ADAMTSL4: variants seen among roughly 807,000 people sequenced by gnomAD.
ADAMTSL4 encodes the protein ADAMTS-like protein 4.
Under a neutral mutation model 122.8 loss-of-function variants are expected in ADAMTSL4, and 97 were observed. The observed-to-expected ratio is 0.79, with a 90% CI of 0.67 to 0.93. The LOEUF is 0.93. Among genes scored for constraint, ADAMTSL4 ranks in the 40% least tolerant of loss-of-function variants. ADAMTSL4 has a pLI of 0.00. For synonymous variants in ADAMTSL4, 592 were observed against 568.0 expected (o/e 1.04, Z -0.60); for missense variants, 1,408 against 1,453.5 (o/e 0.97, Z 0.51).
Position 150,559,035 on chromosome 1 carries a change from C to A in ADAMTSL4, c.2633C>A (p.Pro878Gln). ...CTTGGGAGTGGGGCAGCCCTCGGGC[C>A]AGGCCAGGGGGAAGCAGGAGCAGGA... Reference protein sequence around the residue: ...VCLGSGAALGPGQGEAGAGTG... With the variant: ...VCLGSGAALGQGQGEAGAGTG... Residue 878 changes from proline to glutamine, a missense_variant, in exon 16 of 19, where the codon CCA (proline) becomes CAA (glutamine). By Grantham distance (76) the Pro-to-Gln change is moderately conservative. Coordinates refer to ENST00000271643, the MANE Select transcript of ADAMTSL4 (RefSeq NM_019032.6). This position sits in a 1 kb window ranked among gnomAD's most constrained non-coding sequence, Gnocchi z 4.1. 1 of 1,612,368 alleles carries A rather than the reference C, an allele frequency of 6.2e-7. No homozygotes were observed.
At position 150,556,694 on chromosome 1, in the gene ADAMTSL4, CGGCG is replaced by C. The variant is rs1672162481; in HGVS notation, c.1653_1656del (p.Gly552ProfsTer32). ...TGGATCCCCCTGGGTCCTACAGGGCCGGCGGGACCGTCTTTCGATATAACCGTCC... is the reference window on the plus strand; with the variant it reads ...TGGATCCCCCTGGGTCCTACAGGGCCGGACCGTCTTTCGATATAACCGTCC... On this transcript the variant is annotated frameshift_variant, in exon 10 of 19. Transcript: ENST00000271643. LOFTEE classifies it high-confidence loss of function. The surrounding 1 kb of genome is among the most constrained non-coding windows in gnomAD (Gnocchi z 4.1). The C allele has an allele frequency of 1.2e-6, 2 of 1,613,854 alleles. No individual in the cohort carries two copies. Among genetic ancestry groups the C allele is most frequent in the African/African-American group, 1.3e-5 (1 of 74,858 alleles).
rs762175946 is a variant in ADAMTSL4 at position 150,556,220 on chromosome 1, G to C, written c.1430G>C (p.Cys477Ser). The change falls in exon 9 of 19, where the codon TGT (cysteine) becomes TCT (serine). Residue 477 changes from cysteine (C) to serine (S), a missense_variant. Physicochemically the swap from Cys to Ser is moderately radical, Grantham distance 112 (BLOSUM62 -1). Coordinates refer to ENST00000271643, the MANE Select transcript of ADAMTSL4 (RefSeq NM_019032.6). The surrounding 1 kb of genome is among the most constrained non-coding windows in gnomAD (Gnocchi z 4.1). ...SGRRPDGCGV[C>S]GGDDSTCRLV... ...AGGCGTCCTGATGGCTGTGGAGTCTGTGGGGGTGATGATTCTACCTGTCGC... is the reference window on the plus strand; with the variant it reads ...AGGCGTCCTGATGGCTGTGGAGTCTCTGGGGGTGATGATTCTACCTGTCGC... 6.2e-7 allele frequency: 1 copy of C among 1,614,220 alleles called. No individual in the cohort carries two copies. Among genetic ancestry groups the C allele is most frequent in the South Asian group, 1.1e-5 (1 of 91,080 alleles).
In ADAMTSL4 at chr1:150,555,513, G is replaced by C; in HGVS notation, c.1319G>C (p.Gly440Ala). ...YVRHTEKVQD[G>A]TLCQPGAPDI... ...CGTCACACTGAAAAGGTCCAGGATG[G>C]GACCCTGTGTCAGCCTGGAGCCCCT... is the stretch of plus-strand genomic sequence containing the variant. The change falls in exon 8 of 19, where the codon GGG (glycine) becomes GCG (alanine). Residue 440 changes from glycine (G) to alanine (A), a missense_variant. By Grantham distance (60) the Gly-to-Ala change is moderately conservative. Coordinates refer to ENST00000271643, the MANE Select transcript of ADAMTSL4 (RefSeq NM_019032.6). 6.2e-7 allele frequency: 1 copy of C among 1,614,154 alleles called. No homozygotes were observed. The highest frequency in any genetic ancestry group is 8.5e-7 in the Non-Finnish European group (1 of 1,180,022).
rs1671576038 is a variant in ADAMTSL4, at chr1:150,552,937, G to A, written c.118G>A (p.Gly40Ser). The change falls in exon 5 of 19, where the codon GGC becomes AGC. Residue 40 changes from glycine to serine, a missense_variant. Gly to Ser is a moderately conservative substitution (Grantham distance 56). Coordinates refer to ENST00000271643, the MANE Select transcript of ADAMTSL4 (RefSeq NM_019032.6). This position sits in a 1 kb window ranked among gnomAD's most constrained non-coding sequence, Gnocchi z 4.0. ...GHSLQTPTEE[G>S]QGPEGVWGPW... ...CTCTCTTCAGACACCTACAGAGGAG[G>A]GCCAGGGCCCCGAAGGTGTCTGGGG... is the stretch of plus-strand genomic sequence containing the variant. 11 of 1,612,890 alleles carry A rather than the reference G, an allele frequency of 6.8e-6. No homozygotes were observed. The highest frequency in any genetic ancestry group is 9.3e-6 in the Non-Finnish European group (11 of 1,179,984).
At chr1:150,550,799 G>T (rs1031863480) in intron 2 of ADAMTSL4, 3 of 456,486 alleles carry the variant, frequency 6.6e-6, no homozygotes, top group African/African-American at 4.0e-5. Context: ...GCCCGCTCTG[G>T]CTCAGCCACT....
rs918372921 is a variant in ADAMTSL4, at chr1:150,554,984, GACC to G, written c.1235-441_1235-439del. On this transcript the variant is annotated intron_variant, in intron 7 of 18. Transcript: ENST00000271643. This position sits in a 1 kb window ranked among gnomAD's most constrained non-coding sequence, Gnocchi z 4.0. ...TGGTCTCGGTGACCTCAACTGACCT[GACC>G]ACCTTTTTTTTTTTTTTTCTGAGAC... 6.8e-6 allele frequency among the ~76,000 whole-genome samples: 1 copy of G among 147,730 alleles called. No individual in the cohort carries two copies. The highest frequency in any genetic ancestry group is 1.5e-5 in the Non-Finnish European group (1 of 67,238).
At position 150,556,857 on chromosome 1, in the gene ADAMTSL4, G is replaced by C. The variant is rs587741594; in HGVS notation, c.1749+64G>C. 116 of 1,612,764 alleles carry C rather than the reference G, an allele frequency of 7.2e-5. 1 individual carries two copies. The South Asian group carries it at 1.3e-3, about 18-fold the overall frequency. ...GAGGCTGTTCCCTCTGGGCAGAGCT[G>C]TGGTTGTCAAGATGGGAGAGAGAGC... On this transcript the variant is annotated intron_variant, in intron 10 of 18. Coordinates refer to ENST00000271643, the MANE Select transcript of ADAMTSL4 (RefSeq NM_019032.6). This position sits in a 1 kb window ranked among gnomAD's most constrained non-coding sequence, Gnocchi z 4.1.
intron 8 of ADAMTSL4, chr1:150,555,824 T>C (rs1191680801): frequency 1.1e-5 from 7 of 613,184 alleles, no homozygotes; most frequent in South Asian, 1.8e-5. Context: ...CACACACACG[T>C]ATGCAGACAC....
At position 150,552,681 on chromosome 1, in the gene ADAMTSL4, G is replaced by C; in HGVS notation, c.78+81G>C. ...CTAGGCTCCCACCCCATCTCTCCAGGCCACGCCTCCATTCCCCACAGCCCA... is the reference window on the plus strand; with the variant it reads ...CTAGGCTCCCACCCCATCTCTCCAGCCCACGCCTCCATTCCCCACAGCCCA... On this transcript the variant is annotated intron_variant, in intron 4 of 18. Coordinates refer to ENST00000271643, the MANE Select transcript of ADAMTSL4 (RefSeq NM_019032.6). The surrounding 1 kb of genome is among the most constrained non-coding windows in gnomAD (Gnocchi z 4.0). 6.5e-7 allele frequency: 1 copy of C among 1,532,210 alleles called. No individual in the cohort carries two copies. Among genetic ancestry groups the C allele is most frequent in the Non-Finnish European group, 8.9e-7 (1 of 1,128,360 alleles). 94.9% of individuals were successfully genotyped at this position (1,532,210 alleles called of 1,614,324 possible).
rs750856691 is a variant in ADAMTSL4 at position 150,557,225 on chromosome 1, T to C, written c.1937T>C (p.Val646Ala). ...ACCCCAGGCACCCTCCAGCGTCAGG[T>C]GCGGATCCCCCAGATGCCCGCCCCG... ...ARTPGTLQRQ[V>A]RIPQMPAPPH... Residue 646 changes from valine (V) to alanine (A), a missense_variant, in exon 12 of 19, where the codon GTG becomes GCG. Coordinates refer to ENST00000271643, the MANE Select transcript of ADAMTSL4 (RefSeq NM_019032.6). 4.3e-6 allele frequency: 7 copies of C among 1,611,362 alleles called. No individual in the cohort carries two copies. In the South Asian group the frequency reaches 5.5e-5, roughly 13 times the overall value.
At position 150,557,034 on chromosome 1, in the gene ADAMTSL4, C is replaced by T. The variant is rs767565651; in HGVS notation, c.1845C>T (p.Val615=). The stretch of plus-strand genomic sequence containing the variant: ...AGAACCCCACCCCAGAGCCCCCTGT[C>T]CCCCAGCTTCAGCCGGGTAAGACTC... ...ILENPTPEPP[V]PQLQPEILRV... is the part of the protein sequence containing the mutation. The change falls in exon 11 of 19, where the codon GTC becomes GTT. Residue 615 remains valine, a synonymous_variant. Transcript: ENST00000271643. 1.8e-5 allele frequency: 29 copies of T among 1,613,612 alleles called. No homozygotes were observed. Among genetic ancestry groups the T allele is most frequent in the Non-Finnish European group, 1.6e-5 (19 of 1,179,734 alleles).
Position 150,558,082 on chromosome 1 carries a change from C to T in ADAMTSL4, c.2315C>T (p.Pro772Leu). 6.2e-7 allele frequency: 1 copy of T among 1,613,226 alleles called. No homozygotes were observed. The highest frequency in any genetic ancestry group is 8.5e-7 in the Non-Finnish European group (1 of 1,180,018). Reference protein sequence around the residue: ...PPERCGHLPRPNITQSCQLRL... With the variant: ...PPERCGHLPRLNITQSCQLRL... Reference sequence around the variant, plus strand: ...GAGCGCTGTGGACATCTCCCCCGGCCCAACATCACCCAGTCTTGCCAGCTG... The same window carrying T: ...GAGCGCTGTGGACATCTCCCCCGGCTCAACATCACCCAGTCTTGCCAGCTG... Residue 772 changes from proline (P) to leucine (L), a missense_variant, in exon 14 of 19, where the codon CCC becomes CTC. Transcript: ENST00000271643.
chr1:150,552,979 G>A lies in ADAMTSL4; in HGVS notation c.160G>A (p.Ala54Thr), dbSNP rs767121643. ...TGTCTGGGGACCTTGGGTCCAGTGG[G>A]CCTCTTGCTCCCAGCCCTGCGGGGT... is the stretch of plus-strand genomic sequence containing the variant. ...EGVWGPWVQW[A>T]SCSQPCGVGV... The change falls in exon 5 of 19, where the codon GCC becomes ACC. Residue 54 changes from alanine (A) to threonine (T), a missense_variant. By Grantham distance (58) the Ala-to-Thr change is moderately conservative. Transcript: ENST00000271643. This position sits in a 1 kb window ranked among gnomAD's most constrained non-coding sequence, Gnocchi z 4.0. The A allele has an allele frequency of 1.2e-6, 2 of 1,613,256 alleles. No individual in the cohort carries two copies. Among genetic ancestry groups the A allele is most frequent in the Middle Eastern group, 1.7e-4 (1 of 6,040 alleles).
chr1:150,558,936 ACACAGGCCGCTCT>A lies in ADAMTSL4; in HGVS notation c.2560-24_2560-12del, dbSNP rs751757153. On this transcript the variant is annotated splice_polypyrimidine_tract_variant and intron_variant, in intron 15 of 18. Coordinates refer to ENST00000271643, the MANE Select transcript of ADAMTSL4 (RefSeq NM_019032.6). ...TGTGCCAGTCACCAGCAGGCCCCTC[ACACAGGCCGCTCT>A]CCTCCTCCGCAGTGCTCAGCCGAGT... is the stretch of plus-strand genomic sequence containing the variant. 33 of 1,582,862 alleles carry A rather than the reference ACACAGGCCGCTCT, an allele frequency of 2.1e-5. No individual in the cohort carries two copies. The highest frequency in any genetic ancestry group is 1.8e-4 in the Middle Eastern group (1 of 5,620).
At chr1:150,551,201 C>T (rs960479602) in intron 2 of ADAMTSL4, 5 of 353,732 alleles carry the variant, frequency 1.4e-5, no homozygotes, top group South Asian at 4.2e-5. Context: ...GAGGCAGCCC[C>T]GGCTGCACCT....
intron 2 of ADAMTSL4, chr1:150,550,382 G>A: frequency 2.2e-6 from 1 of 448,296 alleles, no homozygotes; most frequent in East Asian, 7.0e-5. Flanking sequence ...AGGGAGCCAG[G>A]CCTGGCCCGG....
Position 150,559,471 on chromosome 1 carries a change from GTGTC to G in ADAMTSL4, c.2943+8_2943+11del. The G allele has an allele frequency of 6.2e-7, 1 of 1,613,042 alleles. No individual in the cohort carries two copies. Among genetic ancestry groups the G allele is most frequent in the Middle Eastern group, 1.7e-4 (1 of 6,038 alleles). On this transcript the variant is annotated splice_donor_region_variant and intron_variant, in intron 17 of 18. Transcript: ENST00000271643. The surrounding 1 kb of genome is among the most constrained non-coding windows in gnomAD (Gnocchi z 4.1). ...TTTTCCACGCCCTGGAGCCCAGTGA[GTGTC>G]TGGCTGCGCTGTCCTGCCCTGCTCA... is the stretch of plus-strand genomic sequence containing the variant.
rs143132472 is a variant in ADAMTSL4, at chr1:150,552,577, C to T, written c.55C>T (p.Pro19Ser). ...WLYLLLLLSL[P>S]QLCLDQEVLS... ...GTATCTGCTGCTGCTTCTGTCCCTC[C>T]CTCAGCTCTGCTTGGATCAGGAGGT... The change falls in exon 4 of 19, where the codon CCT becomes TCT. Residue 19 changes from proline to serine, a missense_variant. Transcript: ENST00000271643. The surrounding 1 kb of genome is among the most constrained non-coding windows in gnomAD (Gnocchi z 4.0). 5.9e-5 allele frequency: 95 copies of T among 1,613,890 alleles called. No individual in the cohort carries two copies. Among genetic ancestry groups the T allele is most frequent in the Non-Finnish European group, 7.8e-5 (92 of 1,179,992 alleles).
In ADAMTSL4 at chr1:150,559,623, G is replaced by A; in HGVS notation, c.2944-138G>A. ...CTTCTTATAGACTTGGAGGAAAGAT[G>A]GGCCCTCTCCATTTGGGATTTCACA... On this transcript the variant is annotated intron_variant, in intron 17 of 18. Transcript: ENST00000271643. The surrounding 1 kb of genome is among the most constrained non-coding windows in gnomAD (Gnocchi z 4.1). The A allele has an allele frequency of 6.4e-7, 1 of 1,553,894 alleles. No homozygotes were observed. The highest frequency in any genetic ancestry group is 8.8e-7 in the Non-Finnish European group (1 of 1,140,496).
Sources: allele counts gnomAD v4.1 joint callset (sites outside exome capture counted in the v4.1 genomes callset), GRCh38; gene constraint gnomAD v4.1.1; non-coding constraint Gnocchi (gnomAD v3.1); transcripts MANE v1.5; gene names NCBI Gene and HGNC (gene_info 2026-07-23, HGNC 2026-07-21).